The following CNTN5 variants were observed in gnomAD, a reference collection of about 807,000 sequenced individuals.
The protein encoded by CNTN5 is contactin 5.
A neutral mutation model predicts 129.1 loss-of-function variants in CNTN5; 77 were observed. That is an observed-to-expected ratio of 0.60 (90% CI 0.50 to 0.72). The LOEUF (loss-of-function observed/expected upper bound fraction) is 0.72, where lower values mean the gene tolerates loss of function less well. Ranked by LOEUF, CNTN5 falls within the 30% of genes least tolerant of loss-of-function variation. The probability of loss-of-function intolerance (pLI) is 0.00; values close to 1 mark genes in which losing one functional copy is unlikely to be tolerated. For synonymous variants in CNTN5, 509 were observed against 465.6 expected (o/e 1.09, Z -1.20); for missense variants, 1,478 against 1,328.8 (o/e 1.11, Z -1.75).
intron 1 of CNTN5, among the ~76,000 whole-genome samples, chr11:99,128,665 G>A (rs1207306112): frequency 2.6e-5 from 4 of 152,188 alleles, no homozygotes; most frequent in African/African-American, 2.4e-5. Context: ...TGTGCCTCCT[G>A]ACTGGGTGAG....
intron 3 of CNTN5, among the ~76,000 whole-genome samples, chr11:99,640,302 A>G (rs573016211): frequency 9.9e-5 from 15 of 152,202 alleles, no homozygotes; most frequent in Non-Finnish European, 2.1e-4. Flanking sequence ...ATAAATTCAT[A>G]TACAAAACTG....
At chr11:99,737,090 G>A (rs1943734175) in intron 3 of CNTN5, among the ~76,000 whole-genome samples, 1 of 151,474 alleles carries the variant, frequency 6.6e-6, no homozygotes, top group Non-Finnish European at 1.5e-5. Flanking sequence ...TTTTACTTTT[G>A]TCAAAGGGAA....
chr11:99,575,914 G>C (rs893407720), intron 3 of CNTN5, among the ~76,000 whole-genome samples: 2 of 152,126 alleles, frequency 1.3e-5, no homozygotes, highest in Non-Finnish European at 2.9e-5. Context: ...AGATTAGAAG[G>C]AACTTCCAAA....
intron 3 of CNTN5, among the ~76,000 whole-genome samples, chr11:99,626,379 A>G (rs980048468): frequency 2.0e-5 from 3 of 152,112 alleles, no homozygotes; most frequent in African/African-American, 7.2e-5. Flanking sequence ...GACACTTTAA[A>G]GACTGTTTTA....
chr11:99,316,894 T>G (rs899405547), intron 1 of CNTN5, among the ~76,000 whole-genome samples: 4 of 152,170 alleles, frequency 2.6e-5, no homozygotes, highest in African/African-American at 9.6e-5. Context: ...GCTGCCAGGC[T>G]GTTTTTCATG....
chr11:99,375,381 C>T (rs1940116399), intron 2 of CNTN5, among the ~76,000 whole-genome samples: 1 of 146,128 alleles, frequency 6.8e-6, no homozygotes, highest in African/African-American at 2.5e-5. Context: ...ACAGTTACAG[C>T]AGGAGGAGTG....
intron 3 of CNTN5, among the ~76,000 whole-genome samples, chr11:99,708,145 C>A (rs1954831284): frequency 6.6e-6 from 1 of 151,688 alleles, no homozygotes. Context: ...TGATGATGAT[C>A]TTCCCCTGGC....
chr11:100,249,488 T>C lies in CNTN5; in HGVS notation c.2006-6272T>C, dbSNP rs549363760. 2.6e-4 allele frequency among the ~76,000 whole-genome samples: 39 copies of C among 152,314 alleles called. 1 individual carries two copies. The South Asian group carries it at 8.1e-3, about 32-fold the overall frequency. ...GACTATTTCCAAATACAGTATTTAA[T>C]TTAGTGATCCTTTATAATAGCATTG... is the stretch of plus-strand genomic sequence containing the variant. On this transcript the variant is annotated intron_variant, in intron 16 of 24. Transcript: ENST00000524871.
intron 8 of CNTN5, among the ~76,000 whole-genome samples, chr11:99,998,467 C>A (rs1939609224): frequency 7.7e-6 from 1 of 130,252 alleles, no homozygotes; most frequent in Non-Finnish European, 1.6e-5. Flanking sequence ...AGGACCTCTT[C>A]AAGGAGAACT....
intron 1 of CNTN5, among the ~76,000 whole-genome samples, chr11:99,152,719 T>A (rs1398331349): frequency 6.6e-6 from 1 of 152,208 alleles, no homozygotes; most frequent in East Asian, 1.9e-4. Flanking sequence ...CAGACTTCAT[T>A]GTGTGGTTGC....
chr11:99,488,674 A>G (rs749551207), intron 2 of CNTN5, among the ~76,000 whole-genome samples: 91 of 152,182 alleles, frequency 6.0e-4, no homozygotes, highest in Non-Finnish European at 1.1e-3. Flanking sequence ...ATTACATAGA[A>G]TTGTGGAAAA....
intron 1 of CNTN5, among the ~76,000 whole-genome samples, chr11:99,026,863 A>G (rs1453483488): frequency 6.6e-6 from 1 of 151,620 alleles, no homozygotes; most frequent in Non-Finnish European, 1.5e-5. Flanking sequence ...TTTTGTATCT[A>G]TTCAAATCAA....
intron 1 of CNTN5, among the ~76,000 whole-genome samples, chr11:99,180,794 G>A (rs1391732143): frequency 6.6e-6 from 1 of 152,164 alleles, no homozygotes; most frequent in Non-Finnish European, 1.5e-5. Flanking sequence ...AGAATTAGAA[G>A]CACAATTAAT....
At chr11:99,057,768 G>A (rs1864685164) in intron 1 of CNTN5, among the ~76,000 whole-genome samples, 1 of 148,042 alleles carries the variant, frequency 6.8e-6, no homozygotes, top group Non-Finnish European at 1.5e-5. Context: ...TAATAAGTAA[G>A]TGAAACATGA....
intron 13 of CNTN5, among the ~76,000 whole-genome samples, chr11:100,092,884 T>A (rs1462598077): frequency 1.3e-5 from 2 of 152,094 alleles, no homozygotes; most frequent in African/African-American, 4.8e-5. Context: ...GTGCTTGCAA[T>A]GACACTGAAA....
chr11:99,833,574 A>AAG (rs1377853307), intron 4 of CNTN5, among the ~76,000 whole-genome samples: 2 of 152,188 alleles, frequency 1.3e-5, no homozygotes, highest in Admixed American at 6.6e-5. Flanking sequence ...ATAAACTCTG[A>AAG]TGTTCAGTAT....
intron 8 of CNTN5, among the ~76,000 whole-genome samples, chr11:99,958,301 T>C (rs1310341483): frequency 6.6e-6 from 1 of 152,246 alleles, no homozygotes; most frequent in East Asian, 1.9e-4. Flanking sequence ...CAGCATTTGA[T>C]AATTAATGAA....
chr11:100,212,063 T>G (rs191826332), intron 15 of CNTN5, among the ~76,000 whole-genome samples: 6 of 152,274 alleles, frequency 3.9e-5, no homozygotes, highest in African/African-American at 1.4e-4. Flanking sequence ...AATATCCTCA[T>G]GTATGTCCTT....
intron 13 of CNTN5, among the ~76,000 whole-genome samples, chr11:100,078,342 A>C (rs550362885): frequency 1.1e-4 from 17 of 152,306 alleles, no homozygotes; most frequent in African/African-American, 3.8e-4. Context: ...CTGCCTGCTT[A>C]TATATTACCA....
Sources: allele counts gnomAD v4.1 joint callset (sites outside exome capture counted in the v4.1 genomes callset), GRCh38; gene constraint gnomAD v4.1.1; transcripts MANE v1.5; gene names NCBI Gene and HGNC (gene_info 2026-07-23, HGNC 2026-07-21).